PZP: variants seen among roughly 807,000 people sequenced by gnomAD.
PZP encodes PZP alpha-2-macroglobulin like, also known as pregnancy zone protein.
PZP carries 150 observed loss-of-function variants against 179.8 expected under a neutral mutation model. The ratio of observed to expected loss-of-function variants is 0.83; its 90% CI spans 0.73 to 0.96. PZP has a LOEUF of 0.96. PZP is among the 40% of genes least tolerant of loss of function. The probability of loss-of-function intolerance (pLI) is 0.00; values close to 1 mark genes in which losing one functional copy is unlikely to be tolerated. For missense variants in PZP, 1,689 were observed against 1,764.0 expected (o/e 0.96, Z 0.76); for synonymous variants, 624 against 652.3 (o/e 0.96, Z 0.66).
At chr12:9,172,737 T>C (rs756154828) in intron 15 of PZP, among the ~76,000 whole-genome samples, 1 of 152,242 alleles carries the variant, frequency 6.6e-6, no homozygotes, top group East Asian at 1.9e-4. Context: ...AGAAGGGTAG[T>C]ATATAATAGT....
At chr12:9,141,755 C>A in the PZP span, among the ~76,000 whole-genome samples, 2 of 152,156 alleles carry the variant, frequency 1.3e-5, no homozygotes, top group Non-Finnish European at 2.9e-5. Context: ...ACATGTTACA[C>A]TGTTAACTTT....
intron 20 of PZP, 105 bp from the exon 21 acceptor site, chr12:9,163,894 A>G (rs1941396487): frequency 8.5e-7 from 1 of 1,176,988 alleles, no homozygotes; most frequent in Non-Finnish European, 1.2e-6. Context: ...AAATAAGGCT[A>G]AAAAAAAAGA....
At position 9,164,254 on chromosome 12, in the gene PZP, A is replaced by C. The variant is rs758372558; in HGVS notation, c.2493T>G (p.Ser831Arg). The C allele has an allele frequency of 6.2e-6, 10 of 1,613,056 alleles. No homozygotes were observed. In the African/African-American group the frequency reaches 6.7e-5, roughly 11 times the overall value. Residue 831 changes from serine (S) to arginine (R), a missense_variant, in exon 20 of 36, where the codon AGT (serine) becomes AGG (arginine). By Grantham distance (110) the Ser-to-Arg change is moderately radical. This residue lies in a region of PZP where 201 missense variants were observed against 284.2 expected (regional missense o/e 0.71). Coordinates refer to ENST00000261336, the MANE Select transcript of PZP (RefSeq NM_002864.3). ...AGGCTGGAGAGGCTTTCAGCTGCAC[A>C]CTGACCTATCACCCCATGTGAGGCA... ...LNYLPKCIRV[S>R]VQLKASPAFL...
intron 29 of PZP, among the ~76,000 whole-genome samples, chr12:9,153,614 G>T (rs749468734): frequency 6.6e-6 from 1 of 152,164 alleles, no homozygotes; most frequent in South Asian, 2.1e-4. Context: ...TCAAAGAATA[G>T]GTCTAAAACT....
intron 1 of PZP, 51 bp downstream of exon 1, chr12:9,208,208 A>G (rs1381342528): frequency 7.1e-7 from 1 of 1,417,914 alleles, no homozygotes; most frequent in Non-Finnish European, 1.0e-6. Flanking sequence ...CGAAGACACA[A>G]GGGAGAGACT....
chr12:9,197,894 A>G (rs1943921799), intron 7 of PZP, among the ~76,000 whole-genome samples: 1 of 125,470 alleles, frequency 8.0e-6, no homozygotes. Context: ...AATAATATAT[A>G]AATTATATAT....
At chr12:9,167,528 C>T (rs1162338544) in intron 17 of PZP, 2 of 151,854 alleles carry the variant, frequency 1.3e-5, no homozygotes, top group African/African-American at 4.9e-5. Context: ...GGTGGGGGTT[C>T]CTTCCGTTGC....
chr12:9,195,240 TTAAAA>T (rs1336217559), intron 10 of PZP, among the ~76,000 whole-genome samples: 4 of 152,034 alleles, frequency 2.6e-5, no homozygotes, highest in African/African-American at 9.7e-5. Flanking sequence ...TTTAAAAAAT[TTAAAA>T]TAATAAAAAT....
Position 9,195,548 on chromosome 12 carries a change from A to T in PZP, c.1092+782T>A, listed in dbSNP as rs1409437236. On this transcript the variant is annotated intron_variant, in intron 10 of 35. Transcript: ENST00000261336. Reference sequence around the variant, plus strand: ...AGCATCGAAGTTCTGGGCTCGAGGGATCCTCCCACCTCAGCTTCCCAAGCA... The same window carrying T: ...AGCATCGAAGTTCTGGGCTCGAGGGTTCCTCCCACCTCAGCTTCCCAAGCA... Among the ~76,000 whole-genome samples, 5 of 150,030 alleles carry T rather than the reference A, an allele frequency of 3.3e-5. No individual in the cohort carries two copies. The East Asian group carries it at 9.8e-4, about 30-fold the overall frequency.
chr12:9,192,701 T>A lies in PZP; in HGVS notation c.1293A>T (p.Ser431=). The A allele has an allele frequency of 1.2e-6, 2 of 1,613,456 alleles. No individual in the cohort carries two copies. The highest frequency in any genetic ancestry group is 1.7e-6 in the Non-Finnish European group (2 of 1,179,404). The part of the protein sequence containing the change: ...TVHPNLCFHY[S]WVAEDHQGAQ... ...CACCCTGGTGGTCTTCTGCTACCCA[T>A]GAATAGTGAAAACACAAGTTGGGAT... The change falls in exon 12 of 36, where the codon TCA becomes TCT. Residue 431 remains serine (S), a synonymous_variant. Transcript: ENST00000261336.
At chr12:9,136,715 G>A in the PZP span, among the ~76,000 whole-genome samples, 2 of 151,780 alleles carry the variant, frequency 1.3e-5, no homozygotes, top group Non-Finnish European at 2.9e-5. Context: ...TTGATAATAG[G>A]CATCCTGACA....
chr12:9,200,904 C>T lies in PZP; in HGVS notation c.658G>A (p.Val220Met), dbSNP rs752056428. ...CCATAATCCATACCAAATTCCTCCA[C>T]GGTGAAGGGGTGCTGTATCCTTCCA... ...SGGRIQHPFT[V>M]EEFVLPKFEV... The change falls in exon 6 of 36, where the codon GTG becomes ATG. Residue 220 changes from valine (V) to methionine (M), a missense_variant. By Grantham distance (21) the Val-to-Met change is conservative (BLOSUM62 1). This residue lies in a region of PZP where 742 missense variants were observed against 730.5 expected (regional missense o/e 1.02). Coordinates refer to ENST00000261336, the MANE Select transcript of PZP (RefSeq NM_002864.3). The T allele has an allele frequency of 1.8e-5, 29 of 1,611,658 alleles. No homozygotes were observed. The highest frequency in any genetic ancestry group is 7.7e-5 in the South Asian group (7 of 90,498).
chr12:9,194,676 G>A (rs1025442946), intron 10 of PZP, among the ~76,000 whole-genome samples: 1 of 152,064 alleles, frequency 6.6e-6, no homozygotes, highest in African/African-American at 2.4e-5. Flanking sequence ...ATGTTAGCCA[G>A]GATGGTCTCG....
At chr12:9,153,780 C>T (rs760499154) in intron 29 of PZP, among the ~76,000 whole-genome samples, 17 of 152,200 alleles carry the variant, frequency 1.1e-4, no homozygotes, top group African/African-American at 3.9e-4. Context: ...TTTATTTACC[C>T]CACCTAATCT....
intron 15 of PZP, among the ~76,000 whole-genome samples, chr12:9,171,894 T>C (rs992680650): frequency 3.3e-5 from 5 of 152,020 alleles, no homozygotes; most frequent in Non-Finnish European, 5.9e-5. Context: ...ACAGGGAGAA[T>C]GGAACCAAGT....
At chr12:9,165,422 C>T in intron 18 of PZP, 55 bp from the exon 19 acceptor site, 1 of 1,592,976 alleles carries the variant, frequency 6.3e-7, no homozygotes, top group East Asian at 2.2e-5. Flanking sequence ...CACCTTTTCT[C>T]AAGTGAGAAT....
Position 9,157,252 on chromosome 12 carries a change from T to G in PZP, c.3473A>C (p.Tyr1158Ser). 1.2e-6 allele frequency: 2 copies of G among 1,614,190 alleles called. No individual in the cohort carries two copies. Among genetic ancestry groups the G allele is most frequent in the Non-Finnish European group, 1.7e-6 (2 of 1,180,018 alleles). Residue 1158 changes from tyrosine (Y) to serine (S), a missense_variant, in exon 28 of 36, where the codon TAT becomes TCT. Transcript: ENST00000261336. ...SHVYTKALLA[Y>S]AFSLLGKQNQ... The stretch of plus-strand genomic sequence containing the variant: ...TTGCTTTCCCAGTAGGGAAAAAGCA[T>G]AGGCCAGCAATGCCTTGGTGTAGAC...
intron 13 of PZP, among the ~76,000 whole-genome samples, chr12:9,187,160 A>G (rs1406144935): frequency 6.6e-6 from 1 of 152,042 alleles, no homozygotes; most frequent in African/African-American, 2.4e-5. Context: ...CAAAATCTAC[A>G]TGCACCCAAC....
intron 11 of PZP, 63 bp from the exon 12 acceptor site, chr12:9,192,802 C>A: frequency 8.5e-7 from 1 of 1,176,502 alleles, no homozygotes; most frequent in Non-Finnish European, 1.2e-6. Context: ...AGCTTCTCAC[C>A]AAAATGAATA....
Sources: allele counts gnomAD v4.1 joint callset (sites outside exome capture counted in the v4.1 genomes callset), GRCh38; gene constraint gnomAD v4.1.1; regional missense constraint gnomAD v4.1.1; transcripts MANE v1.5; gene names NCBI Gene and HGNC (gene_info 2026-07-23, HGNC 2026-07-21).